The following CDK14 variants were observed in gnomAD, a reference collection of about 807,000 sequenced individuals.
The protein encoded by CDK14 is cyclin-dependent kinase 14.
In CDK14, 34 loss-of-function variants were observed where a neutral mutation model predicts 60.7. That is an observed-to-expected ratio of 0.56 (90% CI 0.43 to 0.75). The LOEUF (loss-of-function observed/expected upper bound fraction) is 0.75, where lower values mean the gene tolerates loss of function less well. Ranked by LOEUF, CDK14 falls within the 30% of genes least tolerant of loss-of-function variation. The pLI, the probability that CDK14 is intolerant of heterozygous loss-of-function variation, is 0.00. For missense variants in CDK14, 482 were observed against 564.1 expected, an observed-to-expected ratio of 0.85 and a Z score of 1.47; for synonymous variants, 197 against 203.7, an observed-to-expected ratio of 0.97 and a Z score of 0.28.
intron 1 of CDK14, among the ~76,000 whole-genome samples, chr7:90,598,482 AC>A (rs1357156373): frequency 6.6e-6 from 1 of 152,122 alleles, no homozygotes; most frequent in African/African-American, 2.4e-5. Context: ...TGCAGTGAGC[AC>A]AGCTGATTAT....
At chr7:90,858,216 G>T (rs995329948) in intron 5 of CDK14, among the ~76,000 whole-genome samples, 1 of 152,088 alleles carries the variant, frequency 6.6e-6, no homozygotes, top group Non-Finnish European at 1.5e-5. Flanking sequence ...TCACTTTCAA[G>T]AAAAAACATT....
intron 4 of CDK14, among the ~76,000 whole-genome samples, chr7:90,752,505 A>G (rs1803885371): frequency 6.6e-6 from 1 of 152,154 alleles, no homozygotes; most frequent in Admixed American, 6.6e-5. Flanking sequence ...CTTGGGATAC[A>G]GGAAAAACAG....
intron 14 of CDK14, among the ~76,000 whole-genome samples, chr7:91,134,305 A>G (rs941001746): frequency 1.3e-5 from 2 of 152,024 alleles, no homozygotes; most frequent in Non-Finnish European, 2.9e-5. Flanking sequence ...GAGGTAAATA[A>G]TTTTTTTATC....
chr7:91,103,269 T>C (rs1210596880), intron 12 of CDK14, among the ~76,000 whole-genome samples: 1 of 151,940 alleles, frequency 6.6e-6, no homozygotes, highest in Non-Finnish European at 1.5e-5. Flanking sequence ...AAAGAAATGC[T>C]GTCTTCCAGG....
At chr7:90,880,344 C>T (rs1335173964) in intron 6 of CDK14, among the ~76,000 whole-genome samples, 1 of 152,180 alleles carries the variant, frequency 6.6e-6, no homozygotes, top group Non-Finnish European at 1.5e-5. Context: ...TCTTCAGGCC[C>T]AGCCGTAACC....
At position 90,748,222 on chromosome 7, in the gene CDK14, CTT is replaced by C. The variant is rs1282535258; in HGVS notation, c.464+450_464+451del. ...TCTCTTAGTTAAACAAAATGGCAAA[CTT>C]TTCTTTTTCTTTCTTCCTGTCTGCT... On this transcript the variant is annotated intron_variant, in intron 4 of 14. Transcript: ENST00000380050. 4.6e-5 allele frequency among the ~76,000 whole-genome samples: 7 copies of C among 152,184 alleles called. No individual in the cohort carries two copies. In the South Asian group the frequency reaches 1.5e-3, roughly 32 times the overall value.
intron 12 of CDK14, chr7:91,107,419 A>G (rs966467996): frequency 6.6e-6 from 1 of 152,250 alleles, no homozygotes; most frequent in African/African-American, 2.4e-5. Flanking sequence ...GGTCTTACCC[A>G]GTAGTGAGAA....
At chr7:91,033,482 C>T (rs13244263) in intron 10 of CDK14, among the ~76,000 whole-genome samples, 15,775 of 152,258 alleles carry the variant, frequency 0.1, 1,067 homozygotes, top group Non-Finnish European at 0.15. Flanking sequence ...AGCAGTACTT[C>T]TCAAACTTCA....
At chr7:90,685,442 T>G (rs1046925807) in intron 2 of CDK14, among the ~76,000 whole-genome samples, 2 of 152,200 alleles carry the variant, frequency 1.3e-5, no homozygotes. Context: ...ACATTTTCTA[T>G]TGAGATTTTG....
chr7:90,689,905 G>C (rs11505690), intron 2 of CDK14, among the ~76,000 whole-genome samples: 25,443 of 152,144 alleles, frequency 0.17, 2,229 homozygotes, highest in East Asian at 0.19. Context: ...ATCATTCTTT[G>C]ATGATATAAC....
At chr7:90,968,785 G>T (rs1794833222) in intron 9 of CDK14, among the ~76,000 whole-genome samples, 1 of 149,204 alleles carries the variant, frequency 6.7e-6, no homozygotes, top group African/African-American at 2.5e-5. Context: ...TTTGTTGTTT[G>T]TTTTTTCTCA....
intron 10 of CDK14, among the ~76,000 whole-genome samples, chr7:91,028,444 T>A (rs1173252229): frequency 6.6e-6 from 1 of 152,224 alleles, no homozygotes; most frequent in African/African-American, 2.4e-5. Flanking sequence ...GGTAGCTACC[T>A]ACTAGTAGAA....
intron 8 of CDK14, among the ~76,000 whole-genome samples, chr7:90,937,943 C>G (rs1793805953): frequency 6.6e-6 from 1 of 152,144 alleles, no homozygotes; most frequent in Non-Finnish European, 1.5e-5. Context: ...GTTATTATTT[C>G]TGAAAGTATC....
At chr7:91,058,387 A>G (rs1797657144) in intron 11 of CDK14, among the ~76,000 whole-genome samples, 1 of 152,156 alleles carries the variant, frequency 6.6e-6, no homozygotes, top group South Asian at 2.1e-4. Flanking sequence ...TCCTAATTGA[A>G]TACCCTTTAT....
chr7:90,853,372 A>C (rs1790711811), intron 5 of CDK14, among the ~76,000 whole-genome samples: 1 of 152,124 alleles, frequency 6.6e-6, no homozygotes, highest in Non-Finnish European at 1.5e-5. Context: ...AATCTACCTC[A>C]GTAGCTTTGT....
At chr7:90,987,206 G>C (rs1490969763) in intron 10 of CDK14, among the ~76,000 whole-genome samples, 1 of 151,812 alleles carries the variant, frequency 6.6e-6, no homozygotes, top group African/African-American at 2.4e-5. Context: ...TATGGCATTA[G>C]TTTCCCAATT....
intron 14 of CDK14, among the ~76,000 whole-genome samples, chr7:91,161,673 C>T (rs549430631): frequency 5.9e-5 from 9 of 152,264 alleles, no homozygotes; most frequent in Admixed American, 6.5e-5. Context: ...TGTTTCAAAA[C>T]ATTTGAGGCA....
chr7:90,980,557 G>C (rs988073681), intron 9 of CDK14, among the ~76,000 whole-genome samples: 17 of 152,100 alleles, frequency 1.1e-4, no homozygotes, highest in Non-Finnish European at 1.8e-4. Context: ...TCTTATTGCT[G>C]TGTGGCAATA....
chr7:91,179,427 C>T (rs59129660), intron 14 of CDK14, among the ~76,000 whole-genome samples: 8,027 of 149,758 alleles, frequency 0.054, 754 homozygotes, highest in East Asian at 0.47. Flanking sequence ...GTGGGTGCAG[C>T]GCACCAGCAT....
Sources: allele counts gnomAD v4.1 joint callset (sites outside exome capture counted in the v4.1 genomes callset), GRCh38; gene constraint gnomAD v4.1.1; transcripts MANE v1.5; gene names NCBI Gene and HGNC (gene_info 2026-07-23, HGNC 2026-07-21).